EFCAB14: variants seen among roughly 807,000 people sequenced by gnomAD.
EFCAB14 encodes EF-hand calcium binding domain 14, also known as EF-hand calcium-binding domain-containing protein 14.
In EFCAB14, 43 loss-of-function variants were observed where a neutral mutation model predicts 56.5. The ratio of observed to expected loss-of-function variants is 0.76; its 90% CI spans 0.60 to 0.98. The LOEUF (loss-of-function observed/expected upper bound fraction) is 0.98, where lower values mean the gene tolerates loss of function less well. Among genes scored for constraint, EFCAB14 ranks in the 50% least tolerant of loss-of-function variants. The pLI is 0.00. For missense variants in EFCAB14, 538 were observed against 580.3 expected (o/e 0.93, Z 0.75); for synonymous variants, 235 against 212.9 (o/e 1.10, Z -0.90).
At chr1:46,717,113 C>T (rs1677408870) in intron 1 of EFCAB14, among the ~76,000 whole-genome samples, 1 of 152,176 alleles carries the variant, frequency 6.6e-6, no homozygotes, top group Non-Finnish European at 1.5e-5. Context: ...CCAGGATTGC[C>T]CTTAACAGCC....
intron 7 of EFCAB14, among the ~76,000 whole-genome samples, chr1:46,687,834 A>T (rs1385276201): frequency 6.6e-6 from 1 of 152,200 alleles, no homozygotes; most frequent in Non-Finnish European, 1.5e-5. Flanking sequence ...ATGACCTCTT[A>T]AGTTGGGGAG....
At chr1:46,689,477 A>G (rs1676955035) in intron 6 of EFCAB14, 110 bp downstream of exon 6, 5 of 996,468 alleles carry the variant, frequency 5.0e-6, no homozygotes, top group Non-Finnish European at 7.8e-6. Context: ...CCAGGCAGGC[A>G]AATAAATACA....
At chr1:46,717,452 T>C (rs939194361) in intron 1 of EFCAB14, among the ~76,000 whole-genome samples, 5 of 152,194 alleles carry the variant, frequency 3.3e-5, no homozygotes, top group Admixed American at 3.3e-4. Flanking sequence ...TCAAGGCTCA[T>C]ACTTCCTACA....
chr1:46,705,575 A>G (rs1677221651), intron 3 of EFCAB14, among the ~76,000 whole-genome samples: 2 of 152,168 alleles, frequency 1.3e-5, no homozygotes, highest in Non-Finnish European at 2.9e-5. Context: ...ATGTGTAAAC[A>G]GTCCCAGTCT....
Position 46,678,577 on chromosome 1 carries a change from C to T in EFCAB14, c.1372G>A (p.Glu458Lys). ...GCAGAACCTAGGGAGGTCCAGATTT[C>T]CTGGTAGGTCAGCTTCCCATCCACG... Reference protein sequence around the residue: ...QDVDGKLTYQEIWTSLGSAMP... With the variant: ...QDVDGKLTYQKIWTSLGSAMP... Residue 458 changes from glutamate to lysine, a missense_variant, in exon 11 of 11, where the codon GAA becomes AAA. Transcript: ENST00000371933. The T allele has an allele frequency of 6.2e-7, 1 of 1,614,126 alleles. No homozygotes were observed. The highest frequency in any genetic ancestry group is 8.5e-7 in the Non-Finnish European group (1 of 1,180,002).
Position 46,718,228 on chromosome 1 carries a change from T to C in EFCAB14, c.-141A>G, listed in dbSNP as rs1483019646. On this transcript the variant is annotated 5_prime_UTR_variant, in exon 1 of 11. Coordinates refer to ENST00000371933, the MANE Select transcript of EFCAB14 (RefSeq NM_014774.3). ...CCCCCTGGTCACTCCCACCTAGGGGTGGGACTGACCAGATCCGCCAGGGAC... is the reference window on the plus strand; with the variant it reads ...CCCCCTGGTCACTCCCACCTAGGGGCGGGACTGACCAGATCCGCCAGGGAC... 3 of 776,044 alleles carry C rather than the reference T, an allele frequency of 3.9e-6. No individual in the cohort carries two copies. In the African/African-American group the frequency reaches 5.2e-5, roughly 14 times the overall value. The allele number at this position is 776,044 out of a possible 1,614,324, so 48.1% of individuals were successfully genotyped here.
At chr1:46,707,574 T>C (rs1372956512) in intron 3 of EFCAB14, among the ~76,000 whole-genome samples, 2 of 152,238 alleles carry the variant, frequency 1.3e-5, no homozygotes, top group East Asian at 3.8e-4. Context: ...TATCTACTTT[T>C]CTTGGGGGTT....
At chr1:46,704,033 T>C (rs1032493253) in intron 3 of EFCAB14, among the ~76,000 whole-genome samples, 4 of 152,216 alleles carry the variant, frequency 2.6e-5, no homozygotes, top group African/African-American at 9.6e-5. Context: ...AAATCTCACC[T>C]GGCTCCAATC....
chr1:46,675,555 C>G lies in EFCAB14; in HGVS notation c.*2906G>C, dbSNP rs1235256247. The G allele has an allele frequency of 6.6e-6, 1 of 152,666 alleles. No homozygotes were observed. 9.5% of individuals were successfully genotyped at this position (152,666 alleles called of 1,614,324 possible). A position where few individuals can be genotyped will look rare whatever the true frequency, so the allele number is the denominator to read the frequency against. ...GTATGAGCCCATCACAGCCAAAATC[C>G]TCAACTGTGACCGGCAGGACCAGCA... On this transcript the variant is annotated 3_prime_UTR_variant, in exon 11 of 11. Coordinates refer to ENST00000371933, the MANE Select transcript of EFCAB14 (RefSeq NM_014774.3).
intron 4 of EFCAB14, among the ~76,000 whole-genome samples, chr1:46,692,565 C>T (rs572392044): frequency 6.6e-6 from 1 of 152,262 alleles, no homozygotes; most frequent in African/African-American, 2.4e-5. Flanking sequence ...AATGGTTATG[C>T]CATTTTACAT....
Position 46,718,058 on chromosome 1 carries a change from C to T in EFCAB14, c.30G>A (p.Leu10=). The T allele has an allele frequency of 6.2e-7, 1 of 1,614,186 alleles. No individual in the cohort carries two copies. The highest frequency in any genetic ancestry group is 1.6e-4 in the Middle Eastern group (1 of 6,062). Residue 10 remains leucine, a synonymous_variant, in exon 1 of 11, where the codon TTG becomes TTA. Transcript: ENST00000371933. ...TCCGGCTGTCCCCAGCCAAACCAAT[C>T]AATGCATTGAGCTCTTTGCGCTTTT... MKKRKELNA[L]IGLAGDSRRK...
chr1:46,688,229 T>C, intron 7 of EFCAB14, 124 bp downstream of exon 7: 1 of 900,160 alleles, frequency 1.1e-6, no homozygotes, highest in South Asian at 1.6e-5. Flanking sequence ...ATTGTGAGGA[T>C]TAAGCACAAC....
chr1:46,689,252 ATTAC>A (rs935210450), intron 6 of EFCAB14, among the ~76,000 whole-genome samples: 1 of 152,116 alleles, frequency 6.6e-6, no homozygotes, highest in Non-Finnish European at 1.5e-5. Flanking sequence ...ATCACTCTGG[ATTAC>A]TTAGCTATCC....
intron 3 of EFCAB14, among the ~76,000 whole-genome samples, chr1:46,702,108 A>T (rs943276208): frequency 6.6e-6 from 1 of 152,248 alleles, no homozygotes; most frequent in Admixed American, 6.5e-5. Flanking sequence ...GAACCCATTA[A>T]GAAAAATCCA....
chr1:46,684,892 A>T (rs1302547022), intron 8 of EFCAB14, among the ~76,000 whole-genome samples: 1 of 152,210 alleles, frequency 6.6e-6, no homozygotes, highest in Non-Finnish European at 1.5e-5. Flanking sequence ...CAGTAAAGGA[A>T]ATGTACCCTT....
chr1:46,679,999 T>G (rs575574473), intron 10 of EFCAB14, among the ~76,000 whole-genome samples: 1 of 152,174 alleles, frequency 6.6e-6, no homozygotes, highest in Non-Finnish European at 1.5e-5. Flanking sequence ...GACTCAAAAG[T>G]GTAATGAGAT....
At chr1:46,684,714 C>CAAATAAAG in intron 8 of EFCAB14, 112 bp from the exon 9 acceptor site, 1 of 780,040 alleles carries the variant, frequency 1.3e-6, no homozygotes, top group Admixed American at 2.3e-5. Context: ...TCAGTAGGTT[C>CAAATAAAG]CCTATAAAGA....
intron 8 of EFCAB14, among the ~76,000 whole-genome samples, chr1:46,686,376 T>C (rs1676881633): frequency 6.6e-6 from 1 of 152,246 alleles, no homozygotes; most frequent in Non-Finnish European, 1.5e-5. Flanking sequence ...TTAGTACAGA[T>C]AACTTACTGT....
chr1:46,689,350 A>G (rs575614157), intron 6 of EFCAB14, among the ~76,000 whole-genome samples: 23 of 152,298 alleles, frequency 1.5e-4, no homozygotes, highest in African/African-American at 5.3e-4. Flanking sequence ...TCAAGATAAG[A>G]AAAGGAATTT....
Sources: allele counts gnomAD v4.1 joint callset (sites outside exome capture counted in the v4.1 genomes callset), GRCh38; gene constraint gnomAD v4.1.1; transcripts MANE v1.5; gene names NCBI Gene and HGNC (gene_info 2026-07-23, HGNC 2026-07-21).